NRG4: variants seen among roughly 807,000 people sequenced by gnomAD.
NRG4 encodes pro-neuregulin-4, membrane-bound isoform.
NRG4 carries 10 observed loss-of-function variants against 15.0 expected under a neutral mutation model. The observed-to-expected ratio is 0.67, with a 90% CI of 0.41 to 1.13. The LOEUF (loss-of-function observed/expected upper bound fraction) is 1.13, where lower values mean the gene tolerates loss of function less well. Among genes scored for constraint, NRG4 ranks in the 50% most tolerant of loss-of-function variants. The probability of loss-of-function intolerance (pLI) is 0.00; values close to 1 mark genes in which losing one functional copy is unlikely to be tolerated. For missense variants in NRG4, 139 were observed against 140.2 expected (o/e 0.99, Z 0.04); for synonymous variants, 41 against 50.1 (o/e 0.82, Z 0.77).
intron 1 of NRG4, among the ~76,000 whole-genome samples, chr15:76,058,154 A>T (rs923371943): frequency 6.6e-6 from 1 of 152,200 alleles, no homozygotes; most frequent in African/African-American, 2.4e-5. Context: ...AAGAAAGTGT[A>T]CCTAGTTAAA....
intron 5 of NRG4, among the ~76,000 whole-genome samples, chr15:76,022,489 T>G (rs74024065): frequency 0.037 from 5,628 of 151,910 alleles, 182 homozygotes; most frequent in African/African-American, 0.085. Flanking sequence ...CAGAAAAAGA[T>G]TCCAAGAGGT....
At chr15:76,040,077 C>A (rs1158168754) in intron 4 of NRG4, among the ~76,000 whole-genome samples, 1 of 151,824 alleles carries the variant, frequency 6.6e-6, no homozygotes, top group Non-Finnish European at 1.5e-5. Flanking sequence ...AGAGAGAAGG[C>A]AAGCAGATTT....
At chr15:76,059,276 C>T (rs188703832) in intron 1 of NRG4, among the ~76,000 whole-genome samples, 5 of 152,336 alleles carry the variant, frequency 3.3e-5, no homozygotes, top group African/African-American at 1.2e-4. Flanking sequence ...TCCCAGGCAG[C>T]CAACTGAGAG....
chr15:75,937,374 T>TGGCG (rs1422842156), downstream of NRG4: 42 of 151,636 alleles, frequency 2.8e-4, no homozygotes, highest in African/African-American at 9.7e-4. Flanking sequence ...CTGGGCATGG[T>TGGCG]GGCGGGCACC....
At chr15:75,985,609 T>C (rs1199092316) in intron 3 of NRG4, among the ~76,000 whole-genome samples, 4 of 152,188 alleles carry the variant, frequency 2.6e-5, no homozygotes, top group Non-Finnish European at 5.9e-5. Flanking sequence ...AAAAGTTTCA[T>C]TTAAGTATAG....
chr15:76,017,983 C>G (rs1404290309), intron 5 of NRG4, among the ~76,000 whole-genome samples: 2 of 152,144 alleles, frequency 1.3e-5, no homozygotes, highest in African/African-American at 4.8e-5. Flanking sequence ...TAGGTTTGGT[C>G]TTTTCACATA....
At chr15:76,039,319 AC>A (rs59254270) in intron 4 of NRG4, among the ~76,000 whole-genome samples, 1,699 of 152,326 alleles carry the variant, frequency 0.011, 43 homozygotes, top group African/African-American at 0.038. Flanking sequence ...GATCTTTCAG[AC>A]AGAGAATTCA....
At chr15:76,018,231 C>CT (rs1490897555) in intron 5 of NRG4, among the ~76,000 whole-genome samples, 2 of 152,066 alleles carry the variant, frequency 1.3e-5, no homozygotes, top group African/African-American at 4.8e-5. Flanking sequence ...TTCCTCTAAC[C>CT]TTTTTTCATG....
At chr15:76,025,177 C>A (rs1395306139) in intron 5 of NRG4, among the ~76,000 whole-genome samples, 1 of 152,194 alleles carries the variant, frequency 6.6e-6, no homozygotes, top group Non-Finnish European at 1.5e-5. Flanking sequence ...TGGTGGCTCA[C>A]ACCTGTAATC....
chr15:75,959,027 C>T, intron 4 of NRG4: 1 of 213,004 alleles, frequency 4.7e-6, no homozygotes, highest in Non-Finnish European at 1.0e-5. Flanking sequence ...CTCACCCAGG[C>T]AGGAGTGCAG....
At chr15:75,991,543 C>G (rs895861953) in intron 3 of NRG4, among the ~76,000 whole-genome samples, 1 of 151,802 alleles carries the variant, frequency 6.6e-6, no homozygotes, top group African/African-American at 2.4e-5. Flanking sequence ...GGAATGTATA[C>G]AGTTTTGGAG....
intron 3 of NRG4, among the ~76,000 whole-genome samples, chr15:75,997,524 G>T (rs568240530): frequency 6.6e-6 from 1 of 152,086 alleles, no homozygotes; most frequent in East Asian, 1.9e-4. Context: ...GATTCTATTA[G>T]AGAACAACAG....
chr15:76,010,251 T>C (rs577107088), intron 2 of NRG4, among the ~76,000 whole-genome samples: 1 of 152,282 alleles, frequency 6.6e-6, no homozygotes, highest in South Asian at 2.1e-4. Flanking sequence ...GGAAATTACA[T>C]TGCTTTAAAC....
intron 2 of NRG4, chr15:76,053,507 T>C (rs1207734590): frequency 6.6e-6 from 1 of 151,072 alleles, no homozygotes; most frequent in African/African-American, 2.5e-5. Flanking sequence ...TAGGATTCTA[T>C]CAATAACTAC....
At chr15:76,056,077 A>G (rs1468803330) in intron 2 of NRG4, among the ~76,000 whole-genome samples, 1 of 152,222 alleles carries the variant, frequency 6.6e-6, no homozygotes, top group African/African-American at 2.4e-5. Flanking sequence ...ATCCACACAG[A>G]CTGCATGCAC....
chr15:76,000,298 T>A (rs2034365336), intron 3 of NRG4, among the ~76,000 whole-genome samples: 1 of 152,062 alleles, frequency 6.6e-6, no homozygotes, highest in South Asian at 2.1e-4. Flanking sequence ...TCCCATAAGC[T>A]AGGTAAAAGG....
At chr15:76,046,636 C>T (rs2035876550) in intron 4 of NRG4, among the ~76,000 whole-genome samples, 1 of 151,088 alleles carries the variant, frequency 6.6e-6, no homozygotes, top group Non-Finnish European at 1.5e-5. Flanking sequence ...TAACTAGACC[C>T]CTAGCTGTCA....
intron 5 of NRG4, among the ~76,000 whole-genome samples, chr15:75,947,141 C>T (rs1249179046): frequency 6.6e-6 from 1 of 152,184 alleles, no homozygotes; most frequent in African/African-American, 2.4e-5. Flanking sequence ...GGAAATTTCC[C>T]TGTAGGGAGC....
chr15:76,045,465 A>G lies in NRG4; in HGVS notation c.-105+6602T>C, dbSNP rs369411499. Among the ~76,000 whole-genome samples, 6 of 151,212 alleles carry G rather than the reference A, an allele frequency of 4.0e-5. No individual in the cohort carries two copies. The South Asian group carries it at 1.0e-3, about 26-fold the overall frequency. On this transcript the variant is annotated intron_variant, in intron 4 of 8. Transcript: ENST00000563910. ...AAGGAAGTCAGTACATCAAAGAGAT[A>G]TCTACACTCCCATGTTTACTGCAGC...
Sources: gnomAD v4.1 joint callset for allele counts (sites outside exome capture counted in the v4.1 genomes callset) on GRCh38, gnomAD v4.1.1 for gene constraint, MANE v1.5 for transcripts, NCBI Gene and HGNC (gene_info 2026-07-23, HGNC 2026-07-21) for gene names.